ATAD5: variants seen among roughly 807,000 people sequenced by gnomAD.
The protein encoded by ATAD5 is ATPase family AAA domain-containing protein 5.
In ATAD5, 58 loss-of-function variants were observed where a neutral mutation model predicts 176.9. The observed-to-expected ratio is 0.33, with a 90% CI of 0.27 to 0.41. The LOEUF is 0.41. ATAD5 is among the 10% of genes least tolerant of loss of function. The pLI, the probability that ATAD5 is intolerant of heterozygous loss-of-function variation, is 1.00. For missense variants in ATAD5, 1,789 were observed against 2,094.1 expected, an observed-to-expected ratio of 0.85 and a Z score of 2.84; for synonymous variants, 640 against 712.6, an observed-to-expected ratio of 0.90 and a Z score of 1.62.
intron 18 of ATAD5, among the ~76,000 whole-genome samples, chr17:30,880,291 CAG>C (rs1300549832): frequency 6.6e-6 from 1 of 151,098 alleles, no homozygotes; most frequent in Admixed American, 6.6e-5. Context: ...GCCTGGGTGA[CAG>C]AGCAAGATTC....
intron 6 of ATAD5, among the ~76,000 whole-genome samples, chr17:30,853,934 T>C (rs1907129958): frequency 6.6e-6 from 1 of 151,972 alleles, no homozygotes; most frequent in South Asian, 2.1e-4. Context: ...TCTGATTGTT[T>C]AGCAAGAAAA....
At chr17:30,844,516 T>C (rs1439339552) in intron 5 of ATAD5, among the ~76,000 whole-genome samples, 1 of 151,598 alleles carries the variant, frequency 6.6e-6, no homozygotes, top group Non-Finnish European at 1.5e-5. Flanking sequence ...ATTTCTATTT[T>C]AGTAAGTAAA....
chr17:30,853,695 G>A (rs1907108872), intron 6 of ATAD5, among the ~76,000 whole-genome samples: 1 of 152,082 alleles, frequency 6.6e-6, no homozygotes, highest in Admixed American at 6.6e-5. Flanking sequence ...CATATAAGCT[G>A]TGACACACCA....
At position 30,837,190 on chromosome 17, in the gene ATAD5, C is replaced by G. The variant is rs1905798511; in HGVS notation, c.1968-16C>G. Reference sequence around the variant, plus strand: ...TAATCATGAAAATGTTTCTGAATACCTTATTTTTATTTCAGAATGAAATTC... The same window carrying G: ...TAATCATGAAAATGTTTCTGAATACGTTATTTTTATTTCAGAATGAAATTC... On this transcript the variant is annotated splice_polypyrimidine_tract_variant and intron_variant, in intron 2 of 22. Coordinates refer to ENST00000321990, the MANE Select transcript of ATAD5 (RefSeq NM_024857.5). The G allele has an allele frequency of 4.5e-6, 6 of 1,335,370 alleles. No homozygotes were observed. Among genetic ancestry groups the G allele is most frequent in the Middle Eastern group, 2.0e-4 (1 of 5,006 alleles). The allele number at this position is 1,335,370 out of a possible 1,614,324, so 82.7% of individuals were successfully genotyped here.
Position 30,835,513 on chromosome 17 carries a change from C to G in ATAD5, c.1432C>G (p.Leu478Val). 1 of 1,606,406 alleles carries G rather than the reference C, an allele frequency of 6.2e-7. No homozygotes were observed. The highest frequency in any genetic ancestry group is 8.5e-7 in the Non-Finnish European group (1 of 1,178,286). Residue 478 changes from leucine (L) to valine (V), a missense_variant, in exon 2 of 23, where the codon CTA becomes GTA. Around this residue, in one of 6 missense-constraint regions of ATAD5, gnomAD observed 696 missense variants for 712.5 expected, o/e 0.98. Transcript: ENST00000321990. ...TTTTCTGAAGGAGAAAAATAAAAAG[C>G]TAAAGAAGAAGAATAAGAAAACATT... Reference protein sequence around the residue: ...GSFLKEKNKKLKKKNKKTLDT... With the variant: ...GSFLKEKNKKVKKKNKKTLDT...
chr17:30,892,848 T>G, intron 20 of ATAD5, 60 bp downstream of exon 20: 1 of 1,314,012 alleles, frequency 7.6e-7, no homozygotes, highest in South Asian at 1.6e-5. Flanking sequence ...TTCCCAACAT[T>G]AGCCTCCTAT....
Position 30,869,821 on chromosome 17 carries a change from C to T in ATAD5, c.3607+175C>T. ...TCTGAAGACCATCATATCATTTCAC[C>T]CATACCTTCTTCAATATTTATCTCT... On this transcript the variant is annotated intron_variant, in intron 14 of 22. Transcript: ENST00000321990. 3 of 638,006 alleles carry T rather than the reference C, an allele frequency of 4.7e-6. No homozygotes were observed. The South Asian group carries it at 6.5e-5, about 14-fold the overall frequency. The allele number at this position is 638,006 out of a possible 1,614,324, so 39.5% of individuals were successfully genotyped here.
chr17:30,871,714 T>C (rs781084449), intron 14 of ATAD5, among the ~76,000 whole-genome samples: 1 of 152,202 alleles, frequency 6.6e-6, no homozygotes, highest in African/African-American at 2.4e-5. Context: ...TTATGGATTG[T>C]ATTTTTCTGA....
At chr17:30,836,466 C>G in intron 2 of ATAD5, among the ~76,000 whole-genome samples, 1 of 152,134 alleles carries the variant, frequency 6.6e-6, no homozygotes, top group East Asian at 1.9e-4. Flanking sequence ...TCGTGAGCCA[C>G]TGCGCCCGGC....
intron 10 of ATAD5, chr17:30,861,925 T>C (rs1372335380): frequency 6.6e-6 from 1 of 151,616 alleles, no homozygotes; most frequent in Admixed American, 6.6e-5. Flanking sequence ...GATGACAATT[T>C]TTTTTTTTTT....
At chr17:30,863,664 C>CTTTTTT (rs58611804) in intron 10 of ATAD5, among the ~76,000 whole-genome samples, 2 of 107,282 alleles carry the variant, frequency 1.9e-5, no homozygotes, top group Non-Finnish European at 1.8e-5. Context: ...CCGCGTCCGG[C>CTTTTTT]TTTTTTTTTT....
At chr17:30,867,217 T>C (rs769023171) in intron 11 of ATAD5, among the ~76,000 whole-genome samples, 1 of 151,414 alleles carries the variant, frequency 6.6e-6, no homozygotes, top group Non-Finnish European at 1.5e-5. Flanking sequence ...CTGGGTGAAA[T>C]AGGGAGACCC....
rs142670168 is a variant in ATAD5, at chr17:30,843,038, G to A, written c.2242-875G>A. Among the ~76,000 whole-genome samples, 488 of 150,798 alleles carry A rather than the reference G, an allele frequency of 3.2e-3. 5 individuals carry two copies. The highest frequency in any genetic ancestry group is 0.011 in the African/African-American group (463 of 41,236). Reference sequence around the variant, plus strand: ...AGATTACAGGCGTGAACCACCGTCCGGCATTAGTTGCTTTTTCAAAAAAGA... The same window carrying A: ...AGATTACAGGCGTGAACCACCGTCCAGCATTAGTTGCTTTTTCAAAAAAGA... On this transcript the variant is annotated intron_variant, in intron 4 of 22. Transcript: ENST00000321990.
intron 19 of ATAD5, among the ~76,000 whole-genome samples, chr17:30,891,789 T>G (rs1295181666): frequency 6.6e-6 from 1 of 152,000 alleles, no homozygotes; most frequent in Non-Finnish European, 1.5e-5. Context: ...AGGTTCAAGC[T>G]ATTCTCCTGC....
chr17:30,844,791 A>C (rs1161131841), intron 5 of ATAD5, 44 bp from the exon 6 acceptor site: 2 of 806,104 alleles, frequency 2.5e-6, no homozygotes, highest in Non-Finnish European at 2.0e-6. Flanking sequence ...CTGAAGGTGG[A>C]GATGGTAAAC....
chr17:30,883,800 C>T (rs1226567770), intron 18 of ATAD5, among the ~76,000 whole-genome samples: 3 of 152,158 alleles, frequency 2.0e-5, no homozygotes, highest in Non-Finnish European at 2.9e-5. Context: ...CCGCCCGTCT[C>T]GGCCTCCCAA....
rs141499959 is a variant in ATAD5, at chr17:30,875,355, A to T, written c.3608-1019A>T. Reference sequence around the variant, plus strand: ...ATACATTTTATTGGCTTGCAATATTAATTTACTGCAGGTCTAAATTAAAGT... The same window carrying T: ...ATACATTTTATTGGCTTGCAATATTTATTTACTGCAGGTCTAAATTAAAGT... On this transcript the variant is annotated intron_variant, in intron 14 of 22. Coordinates refer to ENST00000321990, the MANE Select transcript of ATAD5 (RefSeq NM_024857.5). Among the ~76,000 whole-genome samples, 115 of 152,246 alleles carry T rather than the reference A, an allele frequency of 7.6e-4. 1 individual carries two copies. The East Asian group carries it at 0.019, about 25-fold the overall frequency.
chr17:30,840,195 TAAAAAAAAAAAAAA>T (rs55696194), intron 3 of ATAD5, among the ~76,000 whole-genome samples: 1 of 106,076 alleles, frequency 9.4e-6, no homozygotes, highest in Non-Finnish European at 1.9e-5. Flanking sequence ...TAGACTCTGT[TAAAAAAAAAAAAAA>T]AAAAAAAAAA....
At chr17:30,883,150 G>A (rs190793596) in intron 18 of ATAD5, among the ~76,000 whole-genome samples, 270 of 141,718 alleles carry the variant, frequency 1.9e-3, no homozygotes, top group African/African-American at 6.7e-3. Flanking sequence ...TTTGAGATAC[G>A]GTCTCACTCT....
Sources: allele counts gnomAD v4.1 joint callset (sites outside exome capture counted in the v4.1 genomes callset), GRCh38; gene constraint gnomAD v4.1.1; regional missense constraint gnomAD v4.1.1; transcripts MANE v1.5; gene names NCBI Gene and HGNC (gene_info 2026-07-23, HGNC 2026-07-21).